Variants in KIF5C observed in about 807,000 individuals in gnomAD.
KIF5C encodes the protein kinesin family member 5C.
KIF5C carries 18 observed loss-of-function variants against 125.2 expected under a neutral mutation model. That is an observed-to-expected ratio of 0.14 (90% CI 0.10 to 0.21). The LOEUF is 0.21. Among genes scored for constraint, KIF5C ranks in the 10% least tolerant of loss-of-function variants. The pLI is 1.00. For missense variants in KIF5C, 780 were observed against 1,183.8 expected (o/e 0.66, Z 5.01); for synonymous variants, 405 against 434.0 (o/e 0.93, Z 0.83).
chr2:148,897,032 G>C (rs901954635), intron 1 of KIF5C, among the ~76,000 whole-genome samples: 1 of 151,966 alleles, frequency 6.6e-6, no homozygotes, highest in East Asian at 1.9e-4. Flanking sequence ...GGGGTTTCAC[G>C]ATGTTGGCCA....
intron 15 of KIF5C, among the ~76,000 whole-genome samples, chr2:148,986,173 T>C (rs1681377264): frequency 6.6e-6 from 1 of 152,216 alleles, no homozygotes. Flanking sequence ...ATGAAAATGC[T>C]AATGAAATCA....
At position 148,997,312 on chromosome 2, in the gene KIF5C, C is replaced by T. The variant is rs766078338; in HGVS notation, c.2072C>T (p.Thr691Met). 1.8e-5 allele frequency: 29 copies of T among 1,613,800 alleles called. No individual in the cohort carries two copies. The highest frequency in any genetic ancestry group is 2.2e-5 in the Non-Finnish European group (26 of 1,179,860). ...SFQDKEKEHL[T>M]RLQDAEEMKK... ...CAGGATAAGGAGAAGGAACATCTGA[C>T]GCGGTTGCAGGATGCTGAAGAAATG... The change falls in exon 18 of 26, where the codon ACG (threonine) becomes ATG (methionine). Residue 691 changes from threonine (T) to methionine (M), a missense_variant. Physicochemically the swap from Thr to Met is moderately conservative, Grantham distance 81 (BLOSUM62 -1). Around this residue, in one of 2 missense-constraint regions of KIF5C, gnomAD observed 573 missense variants for 742.6 expected, o/e 0.77. Transcript: ENST00000435030.
At chr2:148,902,296 C>G (rs1472372214) in intron 1 of KIF5C, among the ~76,000 whole-genome samples, 1 of 152,104 alleles carries the variant, frequency 6.6e-6, no homozygotes, top group Non-Finnish European at 1.5e-5. Context: ...GGGGGAAAGG[C>G]AGACAGCTTC....
chr2:149,000,430 C>A lies in KIF5C; in HGVS notation c.2218C>A (p.Gln740Lys). The A allele has an allele frequency of 6.3e-7, 1 of 1,579,660 alleles. No individual in the cohort carries two copies. The highest frequency in any genetic ancestry group is 8.6e-7 in the Non-Finnish European group (1 of 1,158,616). The change falls in exon 20 of 26, where the codon CAG (glutamine) becomes AAG (lysine). Residue 740 changes from glutamine to lysine, a missense_variant. Gln to Lys is a moderately conservative substitution (Grantham distance 53). Around this residue, in one of 2 missense-constraint regions of KIF5C, gnomAD observed 573 missense variants for 742.6 expected, o/e 0.77. Transcript: ENST00000435030. ...KIIDEIRDLNQKLQLEQEKLS... is the reference protein window; with the variant it reads ...KIIDEIRDLNKKLQLEQEKLS... ...TTTTCCTCTCAATTTCAGTTTGAAT[C>A]AGAAACTGCAACTGGAACAGGAGAA... is the stretch of plus-strand genomic sequence containing the variant.
chr2:148,935,258 G>A (rs999338995), intron 3 of KIF5C, among the ~76,000 whole-genome samples: 1 of 152,176 alleles, frequency 6.6e-6, no homozygotes, highest in East Asian at 1.9e-4. Context: ...GAATCAATGG[G>A]GAGATAAATC....
chr2:148,892,006 T>C (rs958375761), intron 1 of KIF5C, among the ~76,000 whole-genome samples: 2 of 152,182 alleles, frequency 1.3e-5, no homozygotes, highest in African/African-American at 4.8e-5. Flanking sequence ...CATTTTAATC[T>C]TCAGTATGAC....
chr2:148,969,422 AGTGTGTGTGTGTGT>A (rs151238332), intron 11 of KIF5C, among the ~76,000 whole-genome samples: 46 of 141,374 alleles, frequency 3.3e-4, no homozygotes, highest in East Asian at 1.7e-3. Context: ...GAAGGTTTCC[AGTGTGTGTGTGTGT>A]GTGTGTGTGT....
chr2:148,933,456 C>A (rs946637244), intron 3 of KIF5C, among the ~76,000 whole-genome samples: 3 of 151,752 alleles, frequency 2.0e-5, no homozygotes, highest in African/African-American at 4.9e-5. Context: ...CCACCCCCCC[C>A]ACATACATCG....
chr2:148,955,131 A>T (rs998287887), intron 10 of KIF5C, among the ~76,000 whole-genome samples: 2 of 152,054 alleles, frequency 1.3e-5, no homozygotes, highest in African/African-American at 4.8e-5. Context: ...AAATGGCCTC[A>T]CCAGAAGCTG....
intron 21 of KIF5C, among the ~76,000 whole-genome samples, chr2:149,003,034 C>T (rs1228633882): frequency 2.6e-5 from 4 of 152,134 alleles, no homozygotes; most frequent in African/African-American, 2.4e-5. Context: ...AGCCCATGCA[C>T]GCGGACAGAC....
intron 25 of KIF5C, among the ~76,000 whole-genome samples, chr2:149,015,563 A>G (rs1265127703): frequency 6.6e-6 from 1 of 152,228 alleles, no homozygotes; most frequent in Non-Finnish European, 1.5e-5. Flanking sequence ...AATTATAGCC[A>G]TAATGAGTAT....
chr2:148,880,468 C>T (rs1281783369), intron 1 of KIF5C, among the ~76,000 whole-genome samples: 1 of 152,164 alleles, frequency 6.6e-6, no homozygotes, highest in Non-Finnish European at 1.5e-5. Flanking sequence ...TAAACCTTTG[C>T]ATATAGGTTC....
chr2:148,884,977 T>C (rs1257113848), intron 1 of KIF5C, among the ~76,000 whole-genome samples: 1 of 150,996 alleles, frequency 6.6e-6, no homozygotes, highest in Non-Finnish European at 1.5e-5. Context: ...AATTGTTTTT[T>C]TTTTTTTTTT....
rs1574677882 is a variant in KIF5C at position 148,875,467 on chromosome 2, G to A, written c.-151G>A. 1 of 638,966 alleles carries A rather than the reference G, an allele frequency of 1.6e-6. No homozygotes were observed. Among genetic ancestry groups the A allele is most frequent in the East Asian group, 3.0e-5 (1 of 33,320 alleles). The allele number at this position is 638,966 out of a possible 1,614,324, so 39.6% of individuals were successfully genotyped here. On this transcript the variant is annotated 5_prime_UTR_variant, in exon 1 of 26. Coordinates refer to ENST00000435030, the MANE Select transcript of KIF5C (RefSeq NM_004522.3). ...TCGGAGCGGCCGGGGCTGCTCAGCC[G>A]GCCGGGCTCGCGATGACCTGCTGAG...
intron 7 of KIF5C, among the ~76,000 whole-genome samples, chr2:148,943,377 C>G (rs921939941): frequency 6.6e-6 from 1 of 152,026 alleles, no homozygotes; most frequent in Admixed American, 6.5e-5. Context: ...ATTTGGGCAG[C>G]AGAGGATCCG....
At position 148,973,510 on chromosome 2, in the gene KIF5C, A is replaced by G. The variant is rs1452788165; in HGVS notation, c.1292A>G (p.Lys431Arg). The G allele has an allele frequency of 6.2e-7, 1 of 1,605,132 alleles. No homozygotes were observed. The highest frequency in any genetic ancestry group is 1.7e-5 in the Admixed American group (1 of 58,466). The change falls in exon 12 of 26, where the codon AAG (lysine) becomes AGG (arginine). Residue 431 changes from lysine to arginine, a missense_variant and splice_region_variant. This residue lies in a region of KIF5C where 573 missense variants were observed against 742.6 expected (regional missense o/e 0.77). Coordinates refer to ENST00000435030, the MANE Select transcript of KIF5C (RefSeq NM_004522.3). ...ISSLYRQLDDKDDEINQQSQL... is the reference protein window; with the variant it reads ...ISSLYRQLDDRDDEINQQSQL... Reference sequence around the variant, plus strand: ...AGTCTCTACAGACAACTGGATGACAAGGTCTGTGGCCAGAGATTCATAGTT... The same window carrying G: ...AGTCTCTACAGACAACTGGATGACAGGGTCTGTGGCCAGAGATTCATAGTT...
At chr2:148,892,546 T>C (rs1047159286) in intron 1 of KIF5C, among the ~76,000 whole-genome samples, 4 of 152,260 alleles carry the variant, frequency 2.6e-5, no homozygotes, top group African/African-American at 7.2e-5. Flanking sequence ...AAATTATGTA[T>C]GAAGTCCCAA....
intron 12 of KIF5C, among the ~76,000 whole-genome samples, chr2:148,976,060 T>A (rs1287752930): frequency 6.6e-6 from 1 of 152,124 alleles, no homozygotes; most frequent in African/African-American, 2.4e-5. Context: ...TCTCTGTCCC[T>A]CTACAGTACT....
chr2:148,929,868 T>G (rs1281219919), intron 3 of KIF5C, among the ~76,000 whole-genome samples: 2 of 152,166 alleles, frequency 1.3e-5, no homozygotes, highest in Non-Finnish European at 2.9e-5. Context: ...TTCACACAAT[T>G]CAAATTTTCC....
Sources: gnomAD v4.1 joint callset for allele counts (sites outside exome capture counted in the v4.1 genomes callset) on GRCh38, gnomAD v4.1.1 for gene constraint, gnomAD v4.1.1 regional missense constraint, MANE v1.5 for transcripts, NCBI Gene and HGNC (gene_info 2026-07-23, HGNC 2026-07-21) for gene names.